Variants in PTGER3 observed in about 807,000 individuals in gnomAD.
PTGER3 encodes prostaglandin E receptor 3, also known as prostaglandin E2 receptor EP3 subtype.
Under a neutral mutation model 34.7 loss-of-function variants are expected in PTGER3, and 22 were observed. That is an observed-to-expected ratio of 0.63 (90% CI 0.45 to 0.91). PTGER3 has a LOEUF of 0.91. PTGER3 is among the 40% of genes least tolerant of loss of function. PTGER3 has a pLI of 0.00. For missense variants in PTGER3, 468 were observed against 519.4 expected (o/e 0.90, Z 0.96); for synonymous variants, 241 against 230.1 (o/e 1.05, Z -0.43).
intron 4 of PTGER3, among the ~76,000 whole-genome samples, chr1:70,895,643 A>G (rs35702222): frequency 0.19 from 28,471 of 152,106 alleles, 3,477 homozygotes; most frequent in Admixed American, 0.35. Context: ...TCACAAAAAC[A>G]AGTTTCTGTT....
At position 71,037,728 on chromosome 1, in the gene PTGER3, G is replaced by A. The variant is rs538186951; in HGVS notation, c.897+8953C>T. ...CTTACCGGTTAGAAAAGGAAAGTCCGGCAAGATAAAGTGACTTAGATCACA... is the reference window on the plus strand; with the variant it reads ...CTTACCGGTTAGAAAAGGAAAGTCCAGCAAGATAAAGTGACTTAGATCACA... On this transcript the variant is annotated intron_variant, in intron 1 of 3. Transcript: ENST00000306666. Among the ~76,000 whole-genome samples the A allele has an allele frequency of 5.3e-5, 8 of 151,344 alleles. No homozygotes were observed. In the South Asian group the frequency reaches 1.7e-3, roughly 33 times the overall value.
At chr1:71,027,150 A>T (rs968472871) in intron 1 of PTGER3, among the ~76,000 whole-genome samples, 1 of 152,038 alleles carries the variant, frequency 6.6e-6, no homozygotes, top group African/African-American at 2.4e-5. Flanking sequence ...AAAATCCTAT[A>T]TTTGATGTAA....
At chr1:70,858,488 G>C (rs1174639725) in intron 4 of PTGER3, among the ~76,000 whole-genome samples, 2 of 152,092 alleles carry the variant, frequency 1.3e-5, no homozygotes, top group Non-Finnish European at 2.9e-5. Flanking sequence ...CAAACAACCT[G>C]ACATAGTGAA....
intron 4 of PTGER3, among the ~76,000 whole-genome samples, chr1:70,864,929 A>G (rs965200122): frequency 1.3e-5 from 2 of 152,196 alleles, no homozygotes; most frequent in African/African-American, 4.8e-5. Flanking sequence ...ACAAAGTGGC[A>G]TAATAATAGA....
chr1:71,006,691 A>C, intron 2 of PTGER3: 1 of 984,782 alleles, frequency 1.0e-6, no homozygotes, highest in Non-Finnish European at 1.2e-6. Context: ...ATGATTATGG[A>C]ATATAAAACA....
Position 70,971,498 on chromosome 1 carries a change from A to G in PTGER3, c.*232T>C. ...TCTGTGAAATTCTTCCCAACTTCTT[A>G]AATGCATATTCAAAATCCCATCCAA... On this transcript the variant is annotated 3_prime_UTR_variant, in exon 4 of 4. Transcript: ENST00000306666. 8.3e-7 allele frequency: 1 copy of G among 1,199,078 alleles called. No individual in the cohort carries two copies. The highest frequency in any genetic ancestry group is 4.1e-5 in the South Asian group (1 of 24,430). The allele number at this position is 1,199,078 out of a possible 1,614,324, so 74.3% of individuals were successfully genotyped here.
At chr1:71,043,791 T>C (rs1479422435) in intron 1 of PTGER3, among the ~76,000 whole-genome samples, 1 of 152,030 alleles carries the variant, frequency 6.6e-6, no homozygotes, top group Admixed American at 6.6e-5. Context: ...AGTAAATCTT[T>C]TTGAAGATAT....
At chr1:70,994,694 G>T (rs954924839) in intron 2 of PTGER3, among the ~76,000 whole-genome samples, 5 of 152,014 alleles carry the variant, frequency 3.3e-5, no homozygotes, top group African/African-American at 1.2e-4. Context: ...CTGACCTTGC[G>T]ATCCACCCCC....
intron 4 of PTGER3, among the ~76,000 whole-genome samples, chr1:70,866,739 A>G (rs184597856): frequency 2.6e-4 from 39 of 152,312 alleles, no homozygotes; most frequent in African/African-American, 8.9e-4. Context: ...CGGCTCTATC[A>G]GGCTGAGATT....
chr1:70,867,419 C>G (rs1365659890), intron 4 of PTGER3, among the ~76,000 whole-genome samples: 5 of 152,142 alleles, frequency 3.3e-5, no homozygotes, highest in African/African-American at 9.7e-5. Flanking sequence ...AGGCTGTTTA[C>G]TTGCAATTAA....
chr1:70,964,094 G>T (rs749903428), intron 2 of PTGER3, among the ~76,000 whole-genome samples: 8 of 152,268 alleles, frequency 5.3e-5, no homozygotes, highest in African/African-American at 4.8e-5. Flanking sequence ...GACCATGTCA[G>T]CCTGGATTTC....
At chr1:71,034,288 C>G (rs1459778041) in intron 1 of PTGER3, among the ~76,000 whole-genome samples, 1 of 152,058 alleles carries the variant, frequency 6.6e-6, no homozygotes, top group Admixed American at 6.5e-5. Context: ...GCTAAATTTT[C>G]TTTTAATGTG....
chr1:71,012,625 G>T, intron 1 of PTGER3, 141 bp from the exon 2 acceptor site: 1 of 703,664 alleles, frequency 1.4e-6, no homozygotes, highest in Non-Finnish European at 2.3e-6. Context: ...TTTATACTTG[G>T]ATAACACAGT....
Position 70,954,787 on chromosome 1 carries a change from T to C in PTGER3, c.1078-998A>G, listed in dbSNP as rs145472055. ...TTTTTTGTTGTTACATAGTTGGGAA[T>C]TTGAAATTCTGTTTTCTACATTCAA... On this transcript the variant is annotated intron_variant, in intron 2 of 3. Coordinates refer to the PTGER3 transcript ENST00000356595. 2.0e-3 allele frequency among the ~76,000 whole-genome samples: 299 copies of C among 152,240 alleles called. 1 individual carries two copies. The highest frequency in any genetic ancestry group is 6.7e-3 in the African/African-American group (278 of 41,526).
At chr1:70,946,681 T>A (rs1264823721) in intron 4 of PTGER3, among the ~76,000 whole-genome samples, 2 of 152,096 alleles carry the variant, frequency 1.3e-5, no homozygotes, top group East Asian at 3.9e-4. Flanking sequence ...ACCAAAATGA[T>A]CTCCAATAGT....
At chr1:70,925,702 T>A (rs1040400771) in intron 4 of PTGER3, among the ~76,000 whole-genome samples, 2 of 152,028 alleles carry the variant, frequency 1.3e-5, no homozygotes, top group African/African-American at 4.8e-5. Flanking sequence ...TGTAAATACA[T>A]GAAAAATAAG....
rs115771519 is a variant in PTGER3 at position 71,005,075 on chromosome 1, G to A, written c.1077+7230C>T. Among the ~76,000 whole-genome samples the A allele has an allele frequency of 1.8e-3, 267 of 152,280 alleles. 2 individuals carry two copies. The highest frequency in any genetic ancestry group is 6.2e-3 in the African/African-American group (257 of 41,556). On this transcript the variant is annotated intron_variant, in intron 2 of 3. Coordinates refer to ENST00000306666, the MANE Select transcript of PTGER3 (RefSeq NM_198719.2). ...TTTGGCAATGTCTGTGAATATTTTT[G>A]ATTGTCACATCAGAGAGGTATTGCT...
At chr1:70,898,583 G>A (rs1173563207) in intron 4 of PTGER3, among the ~76,000 whole-genome samples, 1 of 152,148 alleles carries the variant, frequency 6.6e-6, no homozygotes, top group East Asian at 1.9e-4. Context: ...TAGTGGTCAT[G>A]AGCACAGTCT....
intron 4 of PTGER3, among the ~76,000 whole-genome samples, chr1:70,869,857 C>T (rs999507004): frequency 6.6e-6 from 1 of 152,154 alleles, no homozygotes; most frequent in Non-Finnish European, 1.5e-5. Flanking sequence ...GTTGGAGTTG[C>T]ATGTCTGTGG....
Sources: gnomAD v4.1 joint callset for allele counts (sites outside exome capture counted in the v4.1 genomes callset) on GRCh38, gnomAD v4.1.1 for gene constraint, MANE v1.5 for transcripts, NCBI Gene and HGNC (gene_info 2026-07-23, HGNC 2026-07-21) for gene names.